The following KAT2B variants were observed in gnomAD, a reference collection of about 807,000 sequenced individuals.
The protein encoded by KAT2B is lysine acetyltransferase 2B.
In KAT2B, 36 loss-of-function variants were observed where a neutral mutation model predicts 105.9. The ratio of observed to expected loss-of-function variants is 0.34; its 90% CI spans 0.26 to 0.45. The LOEUF (loss-of-function observed/expected upper bound fraction) is 0.45. Ranked by LOEUF, KAT2B falls within the 20% of genes least tolerant of loss-of-function variation. The pLI is 1.00. For missense variants in KAT2B, 820 were observed against 1,021.6 expected, an observed-to-expected ratio of 0.80 and a Z score of 2.69; for synonymous variants, 397 against 377.9, an observed-to-expected ratio of 1.05 and a Z score of -0.59.
intron 11 of KAT2B, among the ~76,000 whole-genome samples, chr3:20,129,603 T>G (rs1418748613): frequency 6.6e-6 from 1 of 152,190 alleles, no homozygotes; most frequent in Non-Finnish European, 1.5e-5. Context: ...CCTGAACTCC[T>G]GACCTCAGGT....
In KAT2B at chr3:20,065,987, T is replaced by C. The variant is rs116053912; in HGVS notation, c.304-6346T>C. On this transcript the variant is annotated intron_variant, in intron 1 of 17. Transcript: ENST00000263754. ...TGTCATAACAAATAACCACAAAATA[T>C]GTGGCTTAAAACAACAAATACAGTT... Among the ~76,000 whole-genome samples the C allele has an allele frequency of 3.8e-3, 572 of 152,316 alleles. 4 individuals carry two copies. Among genetic ancestry groups the C allele is most frequent in the African/African-American group, 0.013 (541 of 41,564 alleles).
intron 2 of KAT2B, among the ~76,000 whole-genome samples, chr3:20,073,156 GA>G (rs1254235601): frequency 1.3e-5 from 2 of 152,114 alleles, no homozygotes; most frequent in African/African-American, 2.4e-5. Flanking sequence ...GATAAAAGTT[GA>G]GGAATTAGTT....
At chr3:20,108,646 G>A (rs1300094183) in intron 5 of KAT2B, among the ~76,000 whole-genome samples, 2 of 151,286 alleles carry the variant, frequency 1.3e-5, no homozygotes, top group Non-Finnish European at 2.9e-5. Flanking sequence ...CAGCCTAAGA[G>A]CAATAGACTA....
At chr3:20,124,146 T>C (rs1699358086) in intron 9 of KAT2B, among the ~76,000 whole-genome samples, 1 of 152,210 alleles carries the variant, frequency 6.6e-6, no homozygotes, top group African/African-American at 2.4e-5. Flanking sequence ...CTTAAGACTA[T>C]AGTTTTTTAG....
intron 2 of KAT2B, among the ~76,000 whole-genome samples, chr3:20,084,355 C>G (rs777261588): frequency 3.3e-5 from 5 of 152,134 alleles, no homozygotes; most frequent in Non-Finnish European, 7.4e-5. Flanking sequence ...CAGTGCTCCC[C>G]CTACCACTCC....
At chr3:20,062,103 A>ATATT (rs1559514083) in intron 1 of KAT2B, among the ~76,000 whole-genome samples, 4 of 49,818 alleles carry the variant, frequency 8.0e-5, no homozygotes, top group Admixed American at 3.3e-4. Flanking sequence ...TAAAACATAT[A>ATATT]ATATATATTA....
Position 20,126,072 on chromosome 3 carries a change from C to T in KAT2B, c.1581C>T (p.Pro527=). The T allele has an allele frequency of 6.2e-7, 1 of 1,612,736 alleles. No homozygotes were observed. Among genetic ancestry groups the T allele is most frequent in the Non-Finnish European group, 8.5e-7 (1 of 1,179,314 alleles). ...GLQNVFSHQL[P]RMPKEYITRL... is the part of the protein sequence containing the mutation. The stretch of plus-strand genomic sequence containing the variant: ...AGAACGTTTTCTCCCACCAGCTGCC[C>T]CGAATGCCAAAAGAATACATCACAC... The change falls in exon 10 of 18, where the codon CCC becomes CCT. Residue 527 remains proline, a synonymous_variant. Coordinates refer to ENST00000263754, the MANE Select transcript of KAT2B (RefSeq NM_003884.5).
At position 20,081,878 on chromosome 3, in the gene KAT2B, C is replaced by CATATATATATAT. The variant is rs139743528; in HGVS notation, c.430+9420_430+9431dup. 1.2e-3 allele frequency among the ~76,000 whole-genome samples: 171 copies of CATATATATATAT among 140,526 alleles called. 5 individuals carry two copies. Among genetic ancestry groups the CATATATATATAT allele is most frequent in the African/African-American group, 3.0e-3 (107 of 35,152 alleles). 92.2% of individuals were successfully genotyped at this position (140,526 alleles called of 152,430 possible). On this transcript the variant is annotated intron_variant, in intron 2 of 17. Transcript: ENST00000263754. ...TTTATTTTATTTGCTGTCATTGGCT[C>CATATATATATAT]ATATATATATATGTATAAATGTATA...
intron 1 of KAT2B, among the ~76,000 whole-genome samples, chr3:20,060,508 G>A (rs1698082342): frequency 1.3e-5 from 2 of 152,352 alleles, no homozygotes; most frequent in Middle Eastern, 3.4e-3. Flanking sequence ...GGCTGAGGCA[G>A]GAGAATCTCT....
intron 13 of KAT2B, among the ~76,000 whole-genome samples, chr3:20,144,214 A>T (rs1360934435): frequency 6.6e-6 from 1 of 151,268 alleles, no homozygotes; most frequent in East Asian, 1.9e-4. Context: ...GAAACTTTCA[A>T]ATTGAAACAG....
intron 17 of KAT2B, among the ~76,000 whole-genome samples, chr3:20,151,507 TA>T (rs919231884): frequency 6.6e-6 from 1 of 152,060 alleles, no homozygotes; most frequent in African/African-American, 2.4e-5. Context: ...CTTTTAACAA[TA>T]AAGCCAGACT....
intron 1 of KAT2B, among the ~76,000 whole-genome samples, chr3:20,051,980 T>G (rs1404700131): frequency 1.3e-5 from 2 of 152,258 alleles, no homozygotes; most frequent in Non-Finnish European, 2.9e-5. Flanking sequence ...CTGTTCAAAC[T>G]TCTTAAGATA....
chr3:20,104,977 C>T (rs745625014), intron 5 of KAT2B, among the ~76,000 whole-genome samples: 8 of 151,670 alleles, frequency 5.3e-5, no homozygotes, highest in Non-Finnish European at 8.8e-5. Flanking sequence ...CCTCCACCTC[C>T]TGAGTTCAGG....
chr3:20,093,893 T>G (rs1698765225), intron 2 of KAT2B, among the ~76,000 whole-genome samples: 1 of 152,064 alleles, frequency 6.6e-6, no homozygotes, highest in Non-Finnish European at 1.5e-5. Context: ...CCTGGGCTAG[T>G]GGGTGATTAT....
At chr3:20,133,411 G>A (rs1205134553) in intron 11 of KAT2B, among the ~76,000 whole-genome samples, 3 of 96,744 alleles carry the variant, frequency 3.1e-5, no homozygotes, top group African/African-American at 4.5e-5. Context: ...CAGGTACTCA[G>A]TAGCTACATG....
intron 17 of KAT2B, among the ~76,000 whole-genome samples, chr3:20,151,479 T>C (rs1178974893): frequency 6.6e-6 from 1 of 151,974 alleles, no homozygotes; most frequent in Non-Finnish European, 1.5e-5. Flanking sequence ...TTTCCACACA[T>C]AGTTAATACA....
chr3:20,091,500 C>G (rs1457438305), intron 2 of KAT2B, among the ~76,000 whole-genome samples: 1 of 151,952 alleles, frequency 6.6e-6, no homozygotes, highest in Admixed American at 6.6e-5. Flanking sequence ...TATTTCTGCT[C>G]TGATCTTTTT....
chr3:20,119,859 T>A, intron 8 of KAT2B, 136 bp downstream of exon 8: 1 of 891,254 alleles, frequency 1.1e-6, no homozygotes, highest in East Asian at 2.7e-5. Context: ...AATAACTTTG[T>A]ATTAGGCTTT....
Position 20,043,656 on chromosome 3 carries a change from G to A in KAT2B, c.303+2876G>A, listed in dbSNP as rs949861188. 7.2e-5 allele frequency among the ~76,000 whole-genome samples: 11 copies of A among 152,024 alleles called. No individual in the cohort carries two copies. The East Asian group carries it at 9.7e-4, about 13-fold the overall frequency. ...TGCCTAGGGCCACCGGCTGGGGTGC[G>A]TGGCCAAGAGGGCACTGAGGAGTGC... On this transcript the variant is annotated intron_variant, in intron 1 of 17. Transcript: ENST00000263754.
Sources: allele counts gnomAD v4.1 joint callset (sites outside exome capture counted in the v4.1 genomes callset), GRCh38; gene constraint gnomAD v4.1.1; transcripts MANE v1.5; gene names NCBI Gene and HGNC (gene_info 2026-07-23, HGNC 2026-07-21).